ADGRL3: variants seen among roughly 807,000 people sequenced by gnomAD.
The protein encoded by ADGRL3 is adhesion G protein-coupled receptor L3.
In ADGRL3, 62 loss-of-function variants were observed where a neutral mutation model predicts 153.5. The observed-to-expected ratio is 0.40, with a 90% CI of 0.33 to 0.50. The LOEUF is 0.50. Ranked by LOEUF, ADGRL3 falls within the 20% of genes least tolerant of loss-of-function variation. The pLI is 0.47. For synonymous variants in ADGRL3, 710 were observed against 672.5 expected (o/e 1.06, Z -0.86); for missense variants, 1,641 against 1,859.4 (o/e 0.88, Z 2.16).
chr4:61,326,430 A>C (rs1466256865), intron 1 of ADGRL3, among the ~76,000 whole-genome samples: 1 of 152,146 alleles, frequency 6.6e-6, no homozygotes, highest in East Asian at 1.9e-4. Context: ...TAACTTATGT[A>C]AATCAAATTT....
chr4:61,748,067 GACAA>G (rs1416828073), intron 8 of ADGRL3, among the ~76,000 whole-genome samples: 7 of 151,376 alleles, frequency 4.6e-5, no homozygotes, highest in East Asian at 2.0e-4. Flanking sequence ...ACCAATAACA[GACAA>G]ACAGAGAGCC....
At chr4:61,621,871 G>T (rs564652814) in intron 5 of ADGRL3, among the ~76,000 whole-genome samples, 8 of 152,122 alleles carry the variant, frequency 5.3e-5, no homozygotes, top group African/African-American at 1.9e-4. Context: ...GGAGAAAAAG[G>T]CAATTAATCC....
Position 61,480,464 on chromosome 4 carries a change from C to T in ADGRL3, c.-173-16657C>T, listed in dbSNP as rs2098119970. Among the ~76,000 whole-genome samples the T allele has an allele frequency of 5.9e-5, 9 of 151,794 alleles. No homozygotes were observed. In the South Asian group the frequency reaches 1.9e-3, roughly 32 times the overall value. ...AATATGTAAGGAACTCTTAAAATTCCATAGCAAAAAAAAATTAAATAACAG... is the reference window on the plus strand; with the variant it reads ...AATATGTAAGGAACTCTTAAAATTCTATAGCAAAAAAAAATTAAATAACAG... On this transcript the variant is annotated intron_variant, in intron 2 of 26. Transcript: ENST00000683033.
intron 17 of ADGRL3, among the ~76,000 whole-genome samples, chr4:61,976,084 A>AT (rs1297915112): frequency 2.1e-4 from 32 of 152,284 alleles, no homozygotes; most frequent in East Asian, 1.9e-4. Context: ...TTTTTTATAG[A>AT]TTTTTTAAAT....
At chr4:62,007,383 T>TATATATATACACAC (rs71213024) in intron 21 of ADGRL3, among the ~76,000 whole-genome samples, 1 of 30,782 alleles carries the variant, frequency 3.2e-5, no homozygotes, top group Non-Finnish European at 6.5e-5. Flanking sequence ...TATATATATA[T>TATATATATACACAC]ACACACACAC....
chr4:61,428,998 G>A (rs1195299512), intron 2 of ADGRL3, among the ~76,000 whole-genome samples: 7 of 151,544 alleles, frequency 4.6e-5, no homozygotes, highest in Non-Finnish European at 1.0e-4. Context: ...ATGAAAAAAA[G>A]CATTTTTCAT....
At chr4:61,532,748 T>C (rs1252388772) in intron 4 of ADGRL3, among the ~76,000 whole-genome samples, 1 of 148,708 alleles carries the variant, frequency 6.7e-6, no homozygotes, top group Non-Finnish European at 1.5e-5. Flanking sequence ...TTTATTTAGA[T>C]GTTTAAAAAA....
At chr4:62,033,200 T>C (rs1723101878) in intron 23 of ADGRL3, among the ~76,000 whole-genome samples, 1 of 151,684 alleles carries the variant, frequency 6.6e-6, no homozygotes, top group Non-Finnish European at 1.5e-5. Context: ...ACAGGAAGTC[T>C]GGGAGAGAGA....
At chr4:61,692,353 A>G (rs1363313653) in intron 6 of ADGRL3, among the ~76,000 whole-genome samples, 2 of 152,022 alleles carry the variant, frequency 1.3e-5, no homozygotes, top group Non-Finnish European at 2.9e-5. Context: ...CCATATAAGG[A>G]ACCCAGAATC....
chr4:61,806,170 C>A (rs919074799), intron 8 of ADGRL3, among the ~76,000 whole-genome samples: 6 of 152,028 alleles, frequency 3.9e-5, no homozygotes, highest in Non-Finnish European at 7.4e-5. Context: ...TACTTCCAAC[C>A]CTCGTGGAGT....
chr4:62,007,187 G>C (rs1193213687), intron 21 of ADGRL3, among the ~76,000 whole-genome samples: 2 of 150,676 alleles, frequency 1.3e-5, no homozygotes, highest in Non-Finnish European at 3.0e-5. Context: ...TGTCTCCCAT[G>C]TTCAGGATGT....
chr4:61,768,941 C>T (rs11735887), intron 8 of ADGRL3, among the ~76,000 whole-genome samples: 3 of 151,046 alleles, frequency 2.0e-5, no homozygotes, highest in East Asian at 2.0e-4. Flanking sequence ...TGTGGAAATA[C>T]GCGATTGGGG....
intron 2 of ADGRL3, among the ~76,000 whole-genome samples, chr4:61,429,020 A>G (rs2097323308): frequency 2.0e-5 from 3 of 152,104 alleles, no homozygotes; most frequent in African/African-American, 7.2e-5. Flanking sequence ...GAAATAATCT[A>G]TTATAAATAT....
At chr4:61,450,349 T>A (rs937724718) in intron 2 of ADGRL3, among the ~76,000 whole-genome samples, 2 of 152,216 alleles carry the variant, frequency 1.3e-5, no homozygotes, top group African/African-American at 2.4e-5. Context: ...AAGGTCCTAA[T>A]AATGCAATGA....
intron 17 of ADGRL3, among the ~76,000 whole-genome samples, chr4:61,963,207 T>G (rs1240108881): frequency 2.6e-5 from 4 of 152,124 alleles, no homozygotes; most frequent in Non-Finnish European, 5.9e-5. Flanking sequence ...TGAGTTTTTT[T>G]CTGGATTATG....
At chr4:61,771,266 G>A (rs1025849712) in intron 8 of ADGRL3, among the ~76,000 whole-genome samples, 2 of 152,154 alleles carry the variant, frequency 1.3e-5, no homozygotes, top group Non-Finnish European at 2.9e-5. Flanking sequence ...AAAACATCTG[G>A]TATAAATGCT....
intron 1 of ADGRL3, among the ~76,000 whole-genome samples, chr4:61,378,862 G>A (rs750583204): frequency 3.3e-5 from 5 of 151,984 alleles, no homozygotes; most frequent in Non-Finnish European, 7.4e-5. Flanking sequence ...CTTCTGAGAG[G>A]TACTATTGAG....
At chr4:61,745,759 CA>C (rs1465244778) in intron 8 of ADGRL3, among the ~76,000 whole-genome samples, 31 of 152,126 alleles carry the variant, frequency 2.0e-4, no homozygotes. Context: ...AAAATCATGC[CA>C]AATTGTAAAG....
At chr4:61,561,523 G>A (rs1352880149) in intron 4 of ADGRL3, among the ~76,000 whole-genome samples, 1 of 151,916 alleles carries the variant, frequency 6.6e-6, no homozygotes, top group East Asian at 1.9e-4. Context: ...GGGGGCTGGG[G>A]AAGAGGAGTG....
Sources: allele counts gnomAD v4.1 joint callset (sites outside exome capture counted in the v4.1 genomes callset), GRCh38; gene constraint gnomAD v4.1.1; transcripts MANE v1.5; gene names NCBI Gene and HGNC (gene_info 2026-07-23, HGNC 2026-07-21).